Variants in CDH4 observed in about 807,000 individuals in gnomAD.
CDH4 encodes the protein cadherin 4, also known as cadherin-4.
A neutral mutation model predicts 86.0 loss-of-function variants in CDH4; 33 were observed. That is an observed-to-expected ratio of 0.38 (90% CI 0.29 to 0.51). The LOEUF is 0.51. Ranked by LOEUF, CDH4 falls within the 20% of genes least tolerant of loss-of-function variation. The pLI is 0.86. For missense variants in CDH4, 1,114 were observed against 1,307.4 expected (o/e 0.85, Z 2.28); for synonymous variants, 555 against 549.4 (o/e 1.01, Z -0.14).
At chr20:61,415,408 A>G (rs1395861619) in intron 2 of CDH4, among the ~76,000 whole-genome samples, 2 of 152,218 alleles carry the variant, frequency 1.3e-5, no homozygotes, top group Non-Finnish European at 2.9e-5. Flanking sequence ...ACCATTTTTT[A>G]TGTGTACAGT....
chr20:61,778,479 C>T (rs545452991), intron 4 of CDH4, among the ~76,000 whole-genome samples: 5 of 152,182 alleles, frequency 3.3e-5, no homozygotes, highest in South Asian at 2.1e-4. Flanking sequence ...AACGGCACCA[C>T]GCAGAGGGAA....
chr20:61,680,590 G>A (rs1463112633), intron 2 of CDH4, among the ~76,000 whole-genome samples: 1 of 152,216 alleles, frequency 6.6e-6, no homozygotes, highest in Non-Finnish European at 1.5e-5. Flanking sequence ...GAAACACAAA[G>A]AGCCGAGCAT....
At chr20:61,797,196 G>A (rs972404862) in intron 4 of CDH4, among the ~76,000 whole-genome samples, 35 of 152,264 alleles carry the variant, frequency 2.3e-4, no homozygotes, top group African/African-American at 8.4e-4. Flanking sequence ...ACCATCCACT[G>A]CCCAAGGTGG....
intron 2 of CDH4, among the ~76,000 whole-genome samples, chr20:61,626,079 G>A (rs948887832): frequency 3.3e-5 from 5 of 152,240 alleles, no homozygotes; most frequent in East Asian, 1.9e-4. Context: ...AGCACTTACC[G>A]TGTGTCTGGC....
At chr20:61,774,752 A>C (rs930827815) in intron 4 of CDH4, among the ~76,000 whole-genome samples, 1 of 151,852 alleles carries the variant, frequency 6.6e-6, no homozygotes, top group Non-Finnish European at 1.5e-5. Flanking sequence ...TTCAGCTCCC[A>C]CTTATAAGTG....
chr20:61,662,507 G>T (rs66495003), intron 2 of CDH4, among the ~76,000 whole-genome samples: 1 of 152,102 alleles, frequency 6.6e-6, no homozygotes, highest in African/African-American at 2.4e-5. Flanking sequence ...AATGAGACTC[G>T]GACTGAAAGG....
rs148079143 is a variant in CDH4 at position 61,659,731 on chromosome 20, G to T, written c.170-83832G>T. 1.6e-3 allele frequency among the ~76,000 whole-genome samples: 249 copies of T among 152,034 alleles called. 1 individual carries two copies. The highest frequency in any genetic ancestry group is 3.6e-3 in the African/African-American group (150 of 41,444). ...AGGCATCCGAGGCTTGGAGGCAGGAGGAGGGTGGGCCTCAGCCATCTGAGG... is the reference window on the plus strand; with the variant it reads ...AGGCATCCGAGGCTTGGAGGCAGGATGAGGGTGGGCCTCAGCCATCTGAGG... On this transcript the variant is annotated intron_variant, in intron 2 of 15. Transcript: ENST00000614565.
intron 2 of CDH4, among the ~76,000 whole-genome samples, chr20:61,688,677 C>T (rs2087617178): frequency 6.6e-6 from 1 of 152,252 alleles, no homozygotes; most frequent in African/African-American, 2.4e-5. Context: ...ATGTGCATGC[C>T]GCCTCTCCCG....
intron 2 of CDH4, among the ~76,000 whole-genome samples, chr20:61,313,596 T>G (rs943673267): frequency 6.6e-6 from 1 of 152,214 alleles, no homozygotes; most frequent in African/African-American, 2.4e-5. Flanking sequence ...ATGAGATGAA[T>G]GAGCGCTGTC....
At chr20:61,761,672 G>A (rs1467408625) in intron 3 of CDH4, among the ~76,000 whole-genome samples, 4 of 152,206 alleles carry the variant, frequency 2.6e-5, no homozygotes, top group African/African-American at 9.6e-5. Context: ...GGACAGAGGT[G>A]CTGGGTGGCT....
intron 2 of CDH4, among the ~76,000 whole-genome samples, chr20:61,723,306 C>T (rs994768306): frequency 1.3e-4 from 20 of 152,200 alleles, no homozygotes; most frequent in African/African-American, 4.3e-4. Context: ...GCACCTCCTC[C>T]GGACCCCCGT....
chr20:61,275,704 C>T (rs979962245), intron 2 of CDH4, among the ~76,000 whole-genome samples: 65 of 147,450 alleles, frequency 4.4e-4, no homozygotes, highest in Non-Finnish European at 2.8e-4. Flanking sequence ...GAGTACCGTG[C>T]GCAGTTTGGG....
chr20:61,369,475 A>G (rs77439579), intron 2 of CDH4, among the ~76,000 whole-genome samples: 1 of 145,672 alleles, frequency 6.9e-6, no homozygotes, highest in Non-Finnish European at 1.5e-5. Context: ...AAAAAAAAAA[A>G]AGAATGACAT....
At chr20:61,777,727 C>T (rs1246118507) in intron 4 of CDH4, among the ~76,000 whole-genome samples, 1 of 147,534 alleles carries the variant, frequency 6.8e-6, no homozygotes, top group Admixed American at 6.7e-5. Flanking sequence ...TGCGTGCACA[C>T]GTGCATACAA....
intron 2 of CDH4, among the ~76,000 whole-genome samples, chr20:61,662,233 C>G (rs926361399): frequency 1.3e-5 from 2 of 152,178 alleles, no homozygotes; most frequent in South Asian, 4.1e-4. Context: ...TTCTTCCAAA[C>G]TGGACCTGCG....
chr20:61,601,252 G>T (rs377616951), intron 2 of CDH4, among the ~76,000 whole-genome samples: 5 of 152,098 alleles, frequency 3.3e-5, no homozygotes, highest in African/African-American at 1.2e-4. Flanking sequence ...TAAACAACCG[G>T]CTCTCATGAG....
chr20:61,885,767 A>G (rs900966580), intron 7 of CDH4, among the ~76,000 whole-genome samples: 2 of 152,196 alleles, frequency 1.3e-5, no homozygotes, highest in Non-Finnish European at 2.9e-5. Context: ...CCGGAGTCAC[A>G]TTCTCAGGCT....
chr20:61,808,149 G>C (rs1052056284), intron 4 of CDH4, among the ~76,000 whole-genome samples: 1 of 151,836 alleles, frequency 6.6e-6, no homozygotes, highest in Non-Finnish European at 1.5e-5. Context: ...CCTGGGGAAG[G>C]CTGCGGGGGC....
chr20:61,577,802 C>T (rs2086394675), intron 2 of CDH4, among the ~76,000 whole-genome samples: 1 of 152,176 alleles, frequency 6.6e-6, no homozygotes, highest in African/African-American at 2.4e-5. Flanking sequence ...CATGCTGATG[C>T]TCAATACCAA....
Sources: gnomAD v4.1 joint callset for allele counts (sites outside exome capture counted in the v4.1 genomes callset) on GRCh38, gnomAD v4.1.1 for gene constraint, MANE v1.5 for transcripts, NCBI Gene and HGNC (gene_info 2026-07-23, HGNC 2026-07-21) for gene names.